The following ZFR2 variants were observed in gnomAD, a reference collection of about 807,000 sequenced individuals.
ZFR2 encodes the protein zinc finger RNA binding protein 2, also known as zinc finger RNA-binding protein 2.
Under a neutral mutation model 105.7 loss-of-function variants are expected in ZFR2, and 104 were observed. The ratio of observed to expected loss-of-function variants is 0.98; its 90% CI spans 0.84 to 1.16. The LOEUF (loss-of-function observed/expected upper bound fraction) is 1.16, where lower values mean the gene tolerates loss of function less well. Among genes scored for constraint, ZFR2 ranks in the 50% most tolerant of loss-of-function variants. ZFR2 has a pLI of 0.00. For missense variants in ZFR2, 1,425 were observed against 1,355.5 expected (o/e 1.05, Z -0.80); for synonymous variants, 634 against 597.7 (o/e 1.06, Z -0.89).
At chr19:3,841,798 C>G (rs1214483254) in intron 1 of ZFR2, among the ~76,000 whole-genome samples, 1 of 151,748 alleles carries the variant, frequency 6.6e-6, no homozygotes, top group African/African-American at 2.4e-5. Context: ...GAGCTGGACA[C>G]TGTATTGAGA....
chr19:3,837,139 G>C (rs1023730708), intron 1 of ZFR2, among the ~76,000 whole-genome samples: 3 of 152,128 alleles, frequency 2.0e-5, no homozygotes, highest in African/African-American at 7.2e-5. Context: ...GAAAGTTACA[G>C]CTTTTTTTTA....
rs143483722 is a variant in ZFR2 at position 3,825,335 on chromosome 19, G to C, written c.1108C>G (p.Pro370Ala). ...LEPALATESP[P>A]GAEAKPTSPT... is the part of the protein sequence containing the mutation. ...GACGTGGGCTTGGCCTCTGCCCCGG[G>C]GGGGCTCTCTGTGGCCAGTGCAGGC... The change falls in exon 7 of 19, where the codon CCC (proline) becomes GCC (alanine). Residue 370 changes from proline to alanine, a missense_variant. Physicochemically the swap from Pro to Ala is conservative, Grantham distance 27 (BLOSUM62 -1). Transcript: ENST00000262961. 2.5e-6 allele frequency: 4 copies of C among 1,589,464 alleles called. No individual in the cohort carries two copies. Among genetic ancestry groups the C allele is most frequent in the South Asian group, 2.3e-5 (2 of 87,302 alleles).
chr19:3,818,688 G>C (rs1410107349), intron 12 of ZFR2, among the ~76,000 whole-genome samples: 1 of 152,200 alleles, frequency 6.6e-6, no homozygotes, highest in Non-Finnish European at 1.5e-5. Context: ...CACTCCCCAA[G>C]GCGGAGAAGT....
chr19:3,815,831 A>C (rs576370270), intron 13 of ZFR2, among the ~76,000 whole-genome samples: 1 of 150,442 alleles, frequency 6.6e-6, no homozygotes, highest in African/African-American at 2.5e-5. Flanking sequence ...GGCTCACTGC[A>C]ACCTCTGCCT....
In ZFR2 at chr19:3,869,001, T is replaced by C. The variant is rs199514567; in HGVS notation, c.17A>G (p.Tyr6Cys). ...GCCGCCGCCCTGCGCGAAGTCGAAATACTGACTCGTCGCCATCTTGGCGTC... is the reference window on the plus strand; with the variant it reads ...GCCGCCGCCCTGCGCGAAGTCGAAACACTGACTCGTCGCCATCTTGGCGTC... MATSQ[Y>C]FDFAQGGGPQ... is the part of the protein sequence containing the mutation. The change falls in exon 1 of 19, where the codon TAT becomes TGT. Residue 6 changes from tyrosine (Y) to cysteine (C), a missense_variant. Transcript: ENST00000262961. 5,593 of 1,375,832 alleles carry C rather than the reference T, an allele frequency of 4.1e-3. 20 individuals carry two copies. The highest frequency in any genetic ancestry group is 4.4e-3 in the Non-Finnish European group (4,650 of 1,054,632). The allele number at this position is 1,375,832 out of a possible 1,614,324, so 85.2% of individuals were successfully genotyped here.
At chr19:3,856,208 G>C (rs1183743553) in intron 1 of ZFR2, among the ~76,000 whole-genome samples, 1 of 152,172 alleles carries the variant, frequency 6.6e-6, no homozygotes, top group African/African-American at 2.4e-5. Flanking sequence ...CTGCCGCGGG[G>C]AAGCCAGCAG....
Position 3,860,501 on chromosome 19 carries a change from G to C in ZFR2, c.53+8464C>G, listed in dbSNP as rs1332538314. Among the ~76,000 whole-genome samples, 3 of 152,178 alleles carry C rather than the reference G, an allele frequency of 2.0e-5. No individual in the cohort carries two copies. The East Asian group carries it at 5.8e-4, about 29-fold the overall frequency. Reference sequence around the variant, plus strand: ...TTGGATTCCAGAGCCTGGGCGTCGAGTTTCCCGAGCCTCGGGGGCGAGCCA... The same window carrying C: ...TTGGATTCCAGAGCCTGGGCGTCGACTTTCCCGAGCCTCGGGGGCGAGCCA... On this transcript the variant is annotated intron_variant, in intron 1 of 18. Coordinates refer to ENST00000262961, the MANE Select transcript of ZFR2 (RefSeq NM_015174.2).
Position 3,813,069 on chromosome 19 carries a change from G to C in ZFR2, c.2242+751C>G, listed in dbSNP as rs927767581. ...CACTCCAGCCTGGGCAACAGAGCGAGACTCTGTCTCAAAAAACAAACAAAC... is the reference window on the plus strand; with the variant it reads ...CACTCCAGCCTGGGCAACAGAGCGACACTCTGTCTCAAAAAACAAACAAAC... On this transcript the variant is annotated intron_variant, in intron 14 of 18. Coordinates refer to ENST00000262961, the MANE Select transcript of ZFR2 (RefSeq NM_015174.2). This position sits in a 1 kb window ranked among gnomAD's most constrained non-coding sequence, Gnocchi z 4.4. 6.6e-6 allele frequency among the ~76,000 whole-genome samples: 1 copy of C among 152,188 alleles called. No homozygotes were observed. Among genetic ancestry groups the C allele is most frequent in the Non-Finnish European group, 1.5e-5 (1 of 68,046 alleles).
chr19:3,856,769 C>T (rs952853196), intron 1 of ZFR2, among the ~76,000 whole-genome samples: 2 of 152,176 alleles, frequency 1.3e-5, no homozygotes, highest in Non-Finnish European at 2.9e-5. Flanking sequence ...CTTGCTCTGT[C>T]GCCCAGGCTG....
At chr19:3,839,301 G>A (rs376738447) in intron 1 of ZFR2, among the ~76,000 whole-genome samples, 119 of 152,118 alleles carry the variant, frequency 7.8e-4, no homozygotes, top group African/African-American at 2.7e-3. Context: ...GGGAGGCCAC[G>A]GCAGGCAGAT....
chr19:3,866,132 C>T (rs550194039), intron 1 of ZFR2, among the ~76,000 whole-genome samples: 135 of 152,220 alleles, frequency 8.9e-4, no homozygotes, highest in East Asian at 5.8e-4. Context: ...TGAGTCACCG[C>T]GCCTGGCCAA....
At chr19:3,833,605 T>A (rs921459756) in intron 3 of ZFR2, 59 bp downstream of exon 3, 30 of 1,345,892 alleles carry the variant, frequency 2.2e-5, no homozygotes, top group Non-Finnish European at 2.3e-5. Flanking sequence ...TTCCCAAGGT[T>A]TCCCTGTGCT....
At chr19:3,842,972 A>G (rs1248005091) in intron 1 of ZFR2, among the ~76,000 whole-genome samples, 1 of 152,166 alleles carries the variant, frequency 6.6e-6, no homozygotes, top group African/African-American at 2.4e-5. Flanking sequence ...AGCAGAAGGG[A>G]AAATGTAATG....
At chr19:3,850,675 A>T (rs1392637466) in intron 1 of ZFR2, among the ~76,000 whole-genome samples, 1 of 151,882 alleles carries the variant, frequency 6.6e-6, no homozygotes, top group Non-Finnish European at 1.5e-5. Context: ...TGAGCCCAGG[A>T]GTTAGACATC....
chr19:3,827,304 G>A (rs1382609618), intron 6 of ZFR2, among the ~76,000 whole-genome samples, 167 bp downstream of exon 6: 1 of 152,254 alleles, frequency 6.6e-6, no homozygotes, highest in Non-Finnish European at 1.5e-5. Context: ...TTGGATCCTT[G>A]AAGATGAGGA....
intron 17 of ZFR2, among the ~76,000 whole-genome samples, chr19:3,808,032 T>G (rs957306285): frequency 6.9e-6 from 1 of 145,936 alleles, no homozygotes; most frequent in Non-Finnish European, 1.5e-5. Flanking sequence ...TGTGCACTCA[T>G]GTCCTTGTGT....
intron 6 of ZFR2, among the ~76,000 whole-genome samples, chr19:3,826,447 T>C (rs546228076): frequency 9.9e-5 from 15 of 151,500 alleles, no homozygotes; most frequent in South Asian, 8.4e-4. Context: ...CTTTTTTTTT[T>C]CTTTTGGCGA....
At chr19:3,864,493 A>T (rs1326289555) in intron 1 of ZFR2, among the ~76,000 whole-genome samples, 1 of 152,264 alleles carries the variant, frequency 6.6e-6, no homozygotes, top group Admixed American at 6.5e-5. Context: ...GCAAAGGCAC[A>T]GCTAGCCGAC....
chr19:3,816,648 A>C (rs2037827235), intron 13 of ZFR2, 26 bp downstream of exon 13: 1 of 1,579,814 alleles, frequency 6.3e-7, no homozygotes, highest in Admixed American at 1.7e-5. Context: ...CGCCAGAAGC[A>C]GCGATGAGCA....
Sources: gnomAD v4.1 joint callset for allele counts (sites outside exome capture counted in the v4.1 genomes callset) on GRCh38, gnomAD v4.1.1 for gene constraint, Gnocchi (gnomAD v3.1) non-coding constraint, MANE v1.5 for transcripts, NCBI Gene and HGNC (gene_info 2026-07-23, HGNC 2026-07-21) for gene names.